Variants in TBXT observed in about 807,000 individuals in gnomAD.
TBXT encodes the protein T brachyury transcription factor.
Under a neutral mutation model 41.1 loss-of-function variants are expected in TBXT, and 19 were observed. That is an observed-to-expected ratio of 0.46 (90% CI 0.32 to 0.68). The LOEUF is 0.68. TBXT is among the 30% of genes least tolerant of loss of function. The pLI is 0.03. For missense variants in TBXT, 536 were observed against 582.0 expected (o/e 0.92, Z 0.81); for synonymous variants, 213 against 238.9 (o/e 0.89, Z 1.00).
At chr6:166,162,356 T>C in intron 6 of TBXT, 91 bp downstream of exon 6, 1 of 1,473,628 alleles carries the variant, frequency 6.8e-7, no homozygotes, top group Non-Finnish European at 9.4e-7. Context: ...CGTCTCCATT[T>C]TTTTAGATTC....
At chr6:166,162,146 G>A (rs189661228) in intron 6 of TBXT, among the ~76,000 whole-genome samples, 20 of 152,354 alleles carry the variant, frequency 1.3e-4, no homozygotes, top group Admixed American at 1.1e-3. Context: ...CCTAAGGATC[G>A]ACCATGGTTC....
chr6:166,160,965 G>T lies in TBXT; in HGVS notation c.909C>A (p.Thr303=). ...SPYAHRNNSP[T]YSDNSPACLS... is the part of the protein sequence containing the mutation. ...AACATGCAGGTGAGTTGTCAGAATA[G>T]GCTAAGGGGGGAAGGTAACAAAGTG... Residue 303 remains threonine, a splice_region_variant and synonymous_variant, in exon 7 of 8, where the codon ACC becomes ACA. Coordinates refer to ENST00000366876, the MANE Select transcript of TBXT (RefSeq NM_001366285.2). 2.5e-6 allele frequency: 4 copies of T among 1,613,914 alleles called. No individual in the cohort carries two copies. The highest frequency in any genetic ancestry group is 2.2e-5 in the South Asian group (2 of 91,074).
At chr6:166,160,284 C>T (rs1365259268) in intron 7 of TBXT, among the ~76,000 whole-genome samples, 1 of 152,186 alleles carries the variant, frequency 6.6e-6, no homozygotes, top group African/African-American at 2.4e-5. Flanking sequence ...TCATTGTTTA[C>T]CAGTTACCTA....
rs561417172 is a variant in TBXT at position 166,163,985 on chromosome 6, G to A, written c.730+620C>T. On this transcript the variant is annotated intron_variant, in intron 5 of 7. Transcript: ENST00000366876. Reference sequence around the variant, plus strand: ...TCATCCAGCCTCTTGACCAGCCAGTGCTACCGCGTTCATTGTTTAATATCT... The same window carrying A: ...TCATCCAGCCTCTTGACCAGCCAGTACTACCGCGTTCATTGTTTAATATCT... Among the ~76,000 whole-genome samples the A allele has an allele frequency of 5.3e-5, 8 of 152,352 alleles. No individual in the cohort carries two copies. The South Asian group carries it at 6.2e-4, about 12-fold the overall frequency.
At position 166,162,608 on chromosome 6, in the gene TBXT, A is replaced by T. The variant is rs1331864699; in HGVS notation, c.746T>A (p.Leu249His). ...PGYSQSGGWL[L>H]PGTSTLCPPA... ...TGGACACAGGGTGCTGGTTCCAGGA[A>T]GAAGCCACCCCCCTGCTGTGAGAAA... Residue 249 changes from leucine to histidine, a missense_variant, in exon 6 of 8, where the codon CTT (leucine) becomes CAT (histidine). Physicochemically the swap from Leu to His is moderately conservative, Grantham distance 99. Coordinates refer to ENST00000366876, the MANE Select transcript of TBXT (RefSeq NM_001366285.2). 7 of 1,613,262 alleles carry T rather than the reference A, an allele frequency of 4.3e-6. No individual in the cohort carries two copies. Among genetic ancestry groups the T allele is most frequent in the Non-Finnish European group, 5.9e-6 (7 of 1,179,602 alleles).
chr6:166,166,981 G>A (rs1779137812), intron 1 of TBXT, 125 bp from the exon 2 acceptor site: 3 of 1,520,982 alleles, frequency 2.0e-6, no homozygotes, highest in Admixed American at 3.5e-5. Flanking sequence ...ACGTCCGAGG[G>A]TGACTCCCAA....
In TBXT at chr6:166,160,915, T is replaced by C. The variant is rs552884807; in HGVS notation, c.959A>G (p.Asn320Ser). 17 of 1,614,086 alleles carry C rather than the reference T, an allele frequency of 1.1e-5. No individual in the cohort carries two copies. In the South Asian group the frequency reaches 1.8e-4, roughly 17 times the overall value. Reference sequence around the variant, plus strand: ...GGCAGGCATTCCAAGGCTGGACCAATTGTCATGGGATTGCAGCATGGATAA... The same window carrying C: ...GGCAGGCATTCCAAGGCTGGACCAACTGTCATGGGATTGCAGCATGGATAA... The part of the protein sequence containing the change: ...ACLSMLQSHD[N>S]WSSLGMPAHP... The change falls in exon 7 of 8, where the codon AAT becomes AGT. Residue 320 changes from asparagine to serine, a missense_variant. By Grantham distance (46) the Asn-to-Ser change is conservative (BLOSUM62 1). Coordinates refer to ENST00000366876, the MANE Select transcript of TBXT (RefSeq NM_001366285.2).
At chr6:166,164,755 G>T in intron 4 of TBXT, 45 bp downstream of exon 4, 1 of 1,609,306 alleles carries the variant, frequency 6.2e-7, no homozygotes, top group East Asian at 2.2e-5. Context: ...TCATCTTTCT[G>T]CATACTTCTT....
At chr6:166,165,069 G>A (rs565419237) in intron 3 of TBXT, among the ~76,000 whole-genome samples, 2 of 152,306 alleles carry the variant, frequency 1.3e-5, no homozygotes, top group African/African-American at 2.4e-5. Flanking sequence ...CAATGTCAAT[G>A]TTCTGAGTGG....
chr6:166,164,551 G>T, intron 5 of TBXT, 54 bp downstream of exon 5: 1 of 1,600,298 alleles, frequency 6.2e-7, no homozygotes, highest in Non-Finnish European at 8.6e-7. Flanking sequence ...CCAGCTCTCA[G>T]CAAGTCTAGT....
intron 5 of TBXT, among the ~76,000 whole-genome samples, chr6:166,163,533 A>C (rs1779020563): frequency 6.6e-6 from 1 of 152,106 alleles, no homozygotes; most frequent in African/African-American, 2.4e-5. Flanking sequence ...ACAGGCGCCC[A>C]CCATCATGCC....
chr6:166,165,729 C>T lies in TBXT; in HGVS notation c.583G>A (p.Val195Met). The T allele has an allele frequency of 6.2e-7, 1 of 1,614,178 alleles. No homozygotes were observed. Among genetic ancestry groups the T allele is most frequent in the Non-Finnish European group, 8.5e-7 (1 of 1,180,040 alleles). ...ACCTCCTCGTTCTGATAAGCAGTCA[C>T]CGCTATGAACTGGGTCTCAGGGAAG... The part of the protein sequence containing the change: ...HCFPETQFIA[V>M]TAYQNEEITA... The change falls in exon 3 of 8, where the codon GTG becomes ATG. Residue 195 changes from valine to methionine, a missense_variant. By Grantham distance (21) the Val-to-Met change is conservative (BLOSUM62 1). Transcript: ENST00000366876.
At chr6:166,168,410 C>G (rs1278882730), upstream of TBXT, 1 of 152,334 alleles carries the variant, frequency 6.6e-6, no homozygotes, top group Non-Finnish European at 1.5e-5. Context: ...GCGCTCGTCT[C>G]GCCGCAGTAG....
At chr6:166,168,402 G>C (rs1444895002), upstream of TBXT, 1 of 152,300 alleles carries the variant, frequency 6.6e-6, no homozygotes, top group Non-Finnish European at 1.5e-5. Flanking sequence ...GATGCGCCGC[G>C]CTCGTCTCGC....
At chr6:166,165,219 A>T in intron 3 of TBXT, among the ~76,000 whole-genome samples, 1 of 152,156 alleles carries the variant, frequency 6.6e-6, no homozygotes, top group Non-Finnish European at 1.5e-5. Context: ...CCAACAAGGT[A>T]TCCAACTAAT....
chr6:166,164,271 G>A (rs1032120649), intron 5 of TBXT, among the ~76,000 whole-genome samples: 2 of 151,574 alleles, frequency 1.3e-5, no homozygotes, highest in African/African-American at 4.9e-5. Context: ...CCTCAAAGAG[G>A]AGGTAATGAG....
At chr6:166,165,044 C>T (rs542572256) in intron 3 of TBXT, among the ~76,000 whole-genome samples, 183 bp from the exon 4 acceptor site, 79 of 152,290 alleles carry the variant, frequency 5.2e-4, no homozygotes, top group South Asian at 1.0e-3. Flanking sequence ...GAGTAGCATG[C>T]TTATGAAAAA....
chr6:166,161,057 G>GT, intron 6 of TBXT, 91 bp from the exon 7 acceptor site: 1 of 1,528,134 alleles, frequency 6.5e-7, no homozygotes, highest in Non-Finnish European at 9.0e-7. Flanking sequence ...CTGAAGCTAC[G>GT]TAACACTGAA....
Position 166,162,612 on chromosome 6 carries a change from G to T in TBXT, c.742C>A (p.Leu248Ile). ...QPGYSQSGGWLLPGTSTLCPP... is the reference protein window; with the variant it reads ...QPGYSQSGGWILPGTSTLCPP... ...CACAGGGTGCTGGTTCCAGGAAGAAGCCACCCCCCTGCTGTGAGAAAAGAC... is the reference window on the plus strand; with the variant it reads ...CACAGGGTGCTGGTTCCAGGAAGAATCCACCCCCCTGCTGTGAGAAAAGAC... The change falls in exon 6 of 8, where the codon CTT becomes ATT. Residue 248 changes from leucine to isoleucine, a missense_variant. Physicochemically the swap from Leu to Ile is conservative, Grantham distance 5. Transcript: ENST00000366876. 6.2e-7 allele frequency: 1 copy of T among 1,612,848 alleles called. No homozygotes were observed. Among genetic ancestry groups the T allele is most frequent in the Non-Finnish European group, 8.5e-7 (1 of 1,179,430 alleles).
Sources: gnomAD v4.1 joint callset for allele counts (sites outside exome capture counted in the v4.1 genomes callset) on GRCh38, gnomAD v4.1.1 for gene constraint, MANE v1.5 for transcripts, NCBI Gene and HGNC (gene_info 2026-07-23, HGNC 2026-07-21) for gene names.